Variants in RBFOX1 observed in about 807,000 individuals in gnomAD.
RBFOX1 encodes the protein RNA binding protein fox-1 homolog 1.
In RBFOX1, 8 loss-of-function variants were observed where a neutral mutation model predicts 57.7. The ratio of observed to expected loss-of-function variants is 0.14; its 90% CI spans 0.08 to 0.25. RBFOX1 has a LOEUF of 0.25. Ranked by LOEUF, RBFOX1 falls within the 10% of genes least tolerant of loss-of-function variation. The pLI is 1.00. For synonymous variants in RBFOX1, 326 were observed against 222.4 expected (o/e 1.47, Z -4.15); for missense variants, 611 against 548.5 (o/e 1.11, Z -1.14).
At chr16:6,879,952 G>T (rs974231413) in intron 3 of RBFOX1, among the ~76,000 whole-genome samples, 9 of 151,980 alleles carry the variant, frequency 5.9e-5, no homozygotes, top group African/African-American at 2.2e-4. Flanking sequence ...TCTTCTATCT[G>T]TTCAGTGGCA....
Position 7,505,463 on chromosome 16 carries a change from T to C in RBFOX1, c.28-12684T>C, listed in dbSNP as rs1479025388. ...CTTCACTTGTTCTGGATGTCGCTCATTTTTTAAGGGCTAAGCACATATTTC... is the reference window on the plus strand; with the variant it reads ...CTTCACTTGTTCTGGATGTCGCTCACTTTTTAAGGGCTAAGCACATATTTC... On this transcript the variant is annotated intron_variant, in intron 4 of 15. Transcript: ENST00000550418. Among the ~76,000 whole-genome samples, 4 of 152,206 alleles carry C rather than the reference T, an allele frequency of 2.6e-5. No homozygotes were observed. In the East Asian group the frequency reaches 7.7e-4, roughly 29 times the overall value.
At chr16:7,089,053 C>A (rs1346251478) in intron 4 of RBFOX1, among the ~76,000 whole-genome samples, 1 of 152,120 alleles carries the variant, frequency 6.6e-6, no homozygotes, top group Non-Finnish European at 1.5e-5. Flanking sequence ...TCTGCCTTGC[C>A]CCTCAGTGAG....
At chr16:6,106,042 A>G (rs1439758896) in intron 1 of RBFOX1, among the ~76,000 whole-genome samples, 2 of 152,232 alleles carry the variant, frequency 1.3e-5, no homozygotes, top group East Asian at 1.9e-4. Flanking sequence ...AAAATTTGTA[A>G]GTAGAGATGG....
intron 3 of RBFOX1, among the ~76,000 whole-genome samples, chr16:5,800,641 T>G (rs2055026667): frequency 6.6e-6 from 1 of 152,168 alleles, no homozygotes; most frequent in African/African-American, 2.4e-5. Flanking sequence ...AGTGGCCTAT[T>G]ACCTAGTTTC....
chr16:6,875,626 C>T (rs1463767262), intron 3 of RBFOX1, among the ~76,000 whole-genome samples: 1 of 152,176 alleles, frequency 6.6e-6, no homozygotes, highest in African/African-American at 2.4e-5. Context: ...TAGAGTTGAT[C>T]CACATCTGGA....
intron 3 of RBFOX1, among the ~76,000 whole-genome samples, chr16:6,804,359 T>C (rs1391705964): frequency 1.3e-5 from 2 of 152,134 alleles, no homozygotes; most frequent in African/African-American, 2.4e-5. Flanking sequence ...TCTTCCTTCA[T>C]GGAAGTTAAA....
chr16:6,136,491 T>C (rs928304689), intron 1 of RBFOX1, among the ~76,000 whole-genome samples: 9 of 152,236 alleles, frequency 5.9e-5, no homozygotes, highest in Non-Finnish European at 1.2e-4. Flanking sequence ...TCATTTTTTA[T>C]GCTGTCTCTT....
chr16:7,413,029 G>C (rs974279512), intron 4 of RBFOX1, among the ~76,000 whole-genome samples: 4 of 151,796 alleles, frequency 2.6e-5, no homozygotes, highest in African/African-American at 9.7e-5. Flanking sequence ...GCGAAAGAGC[G>C]AGACTCCGTC....
At chr16:5,814,894 A>C (rs955946938) in intron 3 of RBFOX1, among the ~76,000 whole-genome samples, 1 of 152,164 alleles carries the variant, frequency 6.6e-6, no homozygotes. Flanking sequence ...GCGCCACTGC[A>C]GTCCGCAGTC....
intron 4 of RBFOX1, among the ~76,000 whole-genome samples, chr16:5,899,207 C>G (rs978329888): frequency 6.6e-6 from 1 of 150,522 alleles, no homozygotes; most frequent in Admixed American, 6.6e-5. Flanking sequence ...GCAAGACACT[C>G]TTCAGGTGTT....
At chr16:7,572,993 C>T (rs963114320) in intron 5 of RBFOX1, among the ~76,000 whole-genome samples, 1 of 151,986 alleles carries the variant, frequency 6.6e-6, no homozygotes, top group African/African-American at 2.4e-5. Context: ...AAAAGATAGG[C>T]AATATACAAA....
chr16:7,123,552 A>T lies in RBFOX1; in HGVS notation c.27+71454A>T, dbSNP rs144605680. Among the ~76,000 whole-genome samples, 473 of 151,968 alleles carry T rather than the reference A, an allele frequency of 3.1e-3. 1 individual carries two copies. Among genetic ancestry groups the T allele is most frequent in the Middle Eastern group, 6.8e-3 (2 of 294 alleles). On this transcript the variant is annotated intron_variant, in intron 4 of 15. Transcript: ENST00000550418. ...GCTAATTCTTTTAATTTTAGTAGAG[A>T]TGGGGTTTTGACATATTGTCCAGGT...
At chr16:6,681,991 C>G (rs557047984) in intron 3 of RBFOX1, among the ~76,000 whole-genome samples, 1 of 152,270 alleles carries the variant, frequency 6.6e-6, no homozygotes, top group East Asian at 1.9e-4. Context: ...TCTTCCAAAT[C>G]TTGAAGTTAT....
intron 4 of RBFOX1, among the ~76,000 whole-genome samples, chr16:7,071,238 A>G (rs185713914): frequency 2.0e-5 from 3 of 152,252 alleles, no homozygotes; most frequent in Admixed American, 2.0e-4. Flanking sequence ...CATATACTAC[A>G]TACACCACTA....
chr16:7,265,734 C>T (rs148102412), intron 4 of RBFOX1, among the ~76,000 whole-genome samples: 111 of 152,288 alleles, frequency 7.3e-4, no homozygotes, highest in Middle Eastern at 6.8e-3. Flanking sequence ...TAGGCGTGAG[C>T]CACCATGCCT....
chr16:6,531,519 T>C (rs1473526767), intron 2 of RBFOX1, among the ~76,000 whole-genome samples: 3 of 152,218 alleles, frequency 2.0e-5, no homozygotes, highest in African/African-American at 7.2e-5. Context: ...TTTTTACTTT[T>C]CATAGTTTTT....
chr16:6,845,624 A>C (rs1369303705), intron 3 of RBFOX1, among the ~76,000 whole-genome samples: 1 of 151,950 alleles, frequency 6.6e-6, no homozygotes. Context: ...TTATCAGGAC[A>C]CTATCACTTA....
intron 2 of RBFOX1, among the ~76,000 whole-genome samples, chr16:5,532,962 A>G (rs1229974611): frequency 6.6e-6 from 1 of 152,156 alleles, no homozygotes; most frequent in Non-Finnish European, 1.5e-5. Context: ...CTTTATGGTA[A>G]TGCTGAGGGG....
chr16:5,771,327 C>T lies in RBFOX1; in HGVS notation c.319-95976C>T, dbSNP rs924462315. On this transcript the variant is annotated intron_variant, in intron 3 of 19. Transcript: ENST00000641259. The stretch of plus-strand genomic sequence containing the variant: ...GGAGTTAGGGTGAGGTCTACATGTA[C>T]CTGAGAAGTGAACTCTATTCTAGTC... Among the ~76,000 whole-genome samples, 3 of 152,286 alleles carry T rather than the reference C, an allele frequency of 2.0e-5. No homozygotes were observed. The East Asian group carries it at 5.8e-4, about 29-fold the overall frequency.
Sources: gnomAD v4.1 joint callset for allele counts (sites outside exome capture counted in the v4.1 genomes callset) on GRCh38, gnomAD v4.1.1 for gene constraint, MANE v1.5 for transcripts, NCBI Gene and HGNC (gene_info 2026-07-23, HGNC 2026-07-21) for gene names.